FNDC3A: variants seen among roughly 807,000 people sequenced by gnomAD.
FNDC3A encodes fibronectin type-III domain-containing protein 3A.
FNDC3A carries 32 observed loss-of-function variants against 148.9 expected under a neutral mutation model. The observed-to-expected ratio is 0.21, with a 90% CI of 0.16 to 0.29. The LOEUF (loss-of-function observed/expected upper bound fraction) is 0.29, where lower values mean the gene tolerates loss of function less well. Ranked by LOEUF, FNDC3A falls within the 10% of genes least tolerant of loss-of-function variation. The pLI is 1.00. For synonymous variants in FNDC3A, 472 were observed against 473.6 expected (o/e 1.00, Z 0.04); for missense variants, 1,191 against 1,452.8 (o/e 0.82, Z 2.93).
At chr13:48,996,767 CA>C (rs1415753343) in intron 1 of FNDC3A, among the ~76,000 whole-genome samples, 1 of 152,022 alleles carries the variant, frequency 6.6e-6, no homozygotes, top group Admixed American at 6.6e-5. Context: ...CACATCAAAA[CA>C]CATTGGATTT....
At chr13:49,127,037 A>C (rs1365843799) in intron 4 of FNDC3A, among the ~76,000 whole-genome samples, 2 of 152,188 alleles carry the variant, frequency 1.3e-5, no homozygotes, top group Non-Finnish European at 2.9e-5. Flanking sequence ...GCACATCTGC[A>C]GTTATGTGCT....
intron 4 of FNDC3A, among the ~76,000 whole-genome samples, chr13:49,127,599 A>G (rs887016526): frequency 2.6e-5 from 4 of 152,070 alleles, no homozygotes; most frequent in Non-Finnish European, 4.4e-5. Context: ...GACTCTATAC[A>G]CTGTCTTAGT....
chr13:49,141,407 A>C (rs1882681770), intron 7 of FNDC3A, among the ~76,000 whole-genome samples: 1 of 152,136 alleles, frequency 6.6e-6, no homozygotes, highest in Non-Finnish European at 1.5e-5. Flanking sequence ...TTTCAGAATC[A>C]TTACCCCTTC....
intron 3 of FNDC3A, among the ~76,000 whole-genome samples, chr13:49,107,741 C>CT (rs1244548483): frequency 1.3e-5 from 2 of 152,152 alleles, no homozygotes; most frequent in Non-Finnish European, 2.9e-5. Flanking sequence ...ACGAGAATCT[C>CT]TGATAATCAT....
chr13:49,187,930 A>C (rs1885673524), intron 16 of FNDC3A, among the ~76,000 whole-genome samples: 1 of 152,180 alleles, frequency 6.6e-6, no homozygotes, highest in Non-Finnish European at 1.5e-5. Context: ...CTATACACCT[A>C]GACCAAGTCA....
chr13:48,976,490 T>C (rs1203290910), intron 1 of FNDC3A: 1 of 152,736 alleles, frequency 6.5e-6, no homozygotes, highest in Non-Finnish European at 1.5e-5. Context: ...GGAGGCGGCA[T>C]CTAGCCCGAG....
At chr13:49,166,040 G>A (rs1026384607) in intron 8 of FNDC3A, among the ~76,000 whole-genome samples, 5 of 152,154 alleles carry the variant, frequency 3.3e-5, no homozygotes, top group Non-Finnish European at 7.4e-5. Flanking sequence ...AGGCCCTCCA[G>A]TGGTGTTTGT....
intron 2 of FNDC3A, among the ~76,000 whole-genome samples, chr13:49,073,769 TATA>T (rs1877886168): frequency 6.8e-6 from 1 of 146,650 alleles, no homozygotes; most frequent in African/African-American, 2.5e-5. Context: ...TATATATGTA[TATA>T]ATATATATGT....
In FNDC3A at chr13:49,102,129, G is replaced by A. The variant is rs377400703; in HGVS notation, c.176-12526G>A. Among the ~76,000 whole-genome samples the A allele has an allele frequency of 4.3e-3, 649 of 151,310 alleles. 3 individuals are homozygous for A. Among genetic ancestry groups the A allele is most frequent in the African/African-American group, 0.015 (618 of 41,052 alleles). ...CTGGGATTACAGGCATGAAGCAAGCGTAGCTTTTTTTTTCTTGATTTTTTT... is the reference window on the plus strand; with the variant it reads ...CTGGGATTACAGGCATGAAGCAAGCATAGCTTTTTTTTTCTTGATTTTTTT... On this transcript the variant is annotated intron_variant, in intron 3 of 25. Transcript: ENST00000492622.
chr13:48,996,014 A>G (rs1952016985), intron 1 of FNDC3A, among the ~76,000 whole-genome samples: 1 of 152,226 alleles, frequency 6.6e-6, no homozygotes, highest in African/African-American at 2.4e-5. Context: ...TCAGTTCATG[A>G]GATAAATTAG....
At chr13:49,064,844 A>C (rs1877156991) in intron 2 of FNDC3A, among the ~76,000 whole-genome samples, 1 of 152,174 alleles carries the variant, frequency 6.6e-6, no homozygotes, top group South Asian at 2.1e-4. Context: ...AACAGGTTGC[A>C]AGGCAGGAGG....
At chr13:49,072,622 G>A (rs973358353) in intron 2 of FNDC3A, among the ~76,000 whole-genome samples, 1 of 152,016 alleles carries the variant, frequency 6.6e-6, no homozygotes, top group Admixed American at 6.6e-5. Flanking sequence ...TTGTTCATGT[G>A]TAGAAACACT....
Position 48,976,175 on chromosome 13 carries a change from G to C in FNDC3A, c.-42G>C, listed in dbSNP as rs1242891128. ...TTCTGCCTCAGAACGGCGTGACTCG[G>C]AGGTGAGAGCGCGGGCACTCCCTCC... On this transcript the variant is annotated splice_region_variant and 5_prime_UTR_variant, in exon 1 of 26. Coordinates refer to ENST00000492622, the MANE Select transcript of FNDC3A (RefSeq NM_001079673.2). The C allele has an allele frequency of 2.6e-5, 4 of 152,338 alleles. No homozygotes were observed. Among genetic ancestry groups the C allele is most frequent in the African/African-American group, 7.2e-5 (3 of 41,460 alleles). The allele number at this position is 152,338 out of a possible 1,614,324, so 9.4% of individuals were successfully genotyped here.
chr13:49,074,226 C>G (rs1219079217), intron 2 of FNDC3A, among the ~76,000 whole-genome samples: 1 of 152,060 alleles, frequency 6.6e-6, no homozygotes, highest in African/African-American at 2.4e-5. Flanking sequence ...TCCTTTATCC[C>G]TCACACTCCC....
intron 5 of FNDC3A, 141 bp downstream of exon 5, chr13:49,131,515 A>G (rs534832203): frequency 3.0e-6 from 2 of 673,452 alleles, no homozygotes; most frequent in Admixed American, 2.3e-5. Flanking sequence ...CAAGTACTAT[A>G]TTAGGTGCTT....
chr13:49,179,480 A>G (rs1885198843), intron 14 of FNDC3A, among the ~76,000 whole-genome samples: 1 of 152,186 alleles, frequency 6.6e-6, no homozygotes, highest in South Asian at 2.1e-4. Flanking sequence ...TCAAACTTTC[A>G]TCCATAGTTT....
At chr13:49,015,663 G>C (rs1349667259) in intron 2 of FNDC3A, among the ~76,000 whole-genome samples, 2 of 152,140 alleles carry the variant, frequency 1.3e-5, no homozygotes, top group African/African-American at 4.8e-5. Flanking sequence ...AGAGAGGAGG[G>C]CATCCCTGTC....
At chr13:49,118,491 C>T (rs561499845) in intron 4 of FNDC3A, among the ~76,000 whole-genome samples, 14 of 152,240 alleles carry the variant, frequency 9.2e-5, no homozygotes, top group Non-Finnish European at 1.3e-4. Context: ...GCTCCTGGAA[C>T]GCCAGCAAGA....
intron 8 of FNDC3A, among the ~76,000 whole-genome samples, chr13:49,166,998 A>AAG (rs397780247): frequency 1.3e-5 from 2 of 151,880 alleles, no homozygotes; most frequent in African/African-American, 4.8e-5. Context: ...TCCAAAAAAA[A>AAG]GAGTCTGGCT....
Sources: gnomAD v4.1 joint callset for allele counts (sites outside exome capture counted in the v4.1 genomes callset) on GRCh38, gnomAD v4.1.1 for gene constraint, MANE v1.5 for transcripts, NCBI Gene and HGNC (gene_info 2026-07-23, HGNC 2026-07-21) for gene names.